ADAM18: variants seen among roughly 807,000 people sequenced by gnomAD.
The protein encoded by ADAM18 is ADAM metallopeptidase domain 18.
Under a neutral mutation model 94.4 loss-of-function variants are expected in ADAM18, and 117 were observed. The ratio of observed to expected loss-of-function variants is 1.24; its 90% CI spans 1.07 to 1.45. The LOEUF (loss-of-function observed/expected upper bound fraction) is 1.45. ADAM18 is among the 40% of genes most tolerant of loss of function. The pLI is 0.00. For synonymous variants in ADAM18, 327 were observed against 291.6 expected (o/e 1.12, Z -1.24); for missense variants, 936 against 880.0 (o/e 1.06, Z -0.81).
chr8:39,601,119 A>C (rs1291646928), intron 2 of ADAM18, among the ~76,000 whole-genome samples: 2 of 152,116 alleles, frequency 1.3e-5, no homozygotes, highest in African/African-American at 4.8e-5. Flanking sequence ...TAAACAACCA[A>C]ATCTCGCGAT....
intron 13 of ADAM18, among the ~76,000 whole-genome samples, chr8:39,664,810 T>TA (rs1820947842): frequency 6.6e-6 from 1 of 152,192 alleles, no homozygotes; most frequent in Non-Finnish European, 1.5e-5. Context: ...ATTAATGCAG[T>TA]AATATAGTAT....
In ADAM18 at chr8:39,667,985, C is replaced by A. The variant is rs1821037143; in HGVS notation, c.1327-13C>A. 2 of 1,609,620 alleles carry A rather than the reference C, an allele frequency of 1.2e-6. No homozygotes were observed. Among genetic ancestry groups the A allele is most frequent in the South Asian group, 1.1e-5 (1 of 90,312 alleles). On this transcript the variant is annotated splice_polypyrimidine_tract_variant and intron_variant, in intron 13 of 19. Coordinates refer to ENST00000265707, the MANE Select transcript of ADAM18 (RefSeq NM_014237.3). The stretch of plus-strand genomic sequence containing the variant: ...TTTACAGAACTTAATTTTATTTTTC[C>A]TTTTCCTCCCAGTTGTCAATAGCAG...
At chr8:39,723,563 GTAAA>G (rs1443818669) in intron 18 of ADAM18, among the ~76,000 whole-genome samples, 181 bp from the exon 19 acceptor site, 1 of 151,574 alleles carries the variant, frequency 6.6e-6, no homozygotes, top group Non-Finnish European at 1.5e-5. Flanking sequence ...ATAAATATGT[GTAAA>G]TAAACAGAAA....
At chr8:39,604,887 T>C (rs1044590630) in intron 2 of ADAM18, among the ~76,000 whole-genome samples, 2 of 152,242 alleles carry the variant, frequency 1.3e-5, no homozygotes, top group Non-Finnish European at 2.9e-5. Context: ...TTTGTTATTG[T>C]CCCTTCTTGG....
At chr8:39,683,313 G>A (rs1333930243) in intron 16 of ADAM18, among the ~76,000 whole-genome samples, 1 of 152,120 alleles carries the variant, frequency 6.6e-6, no homozygotes, top group East Asian at 1.9e-4. Context: ...AAATTGGCTG[G>A]CATTTTAATA....
At chr8:39,630,665 A>T (rs978308141) in intron 7 of ADAM18, among the ~76,000 whole-genome samples, 1 of 151,942 alleles carries the variant, frequency 6.6e-6, no homozygotes, top group East Asian at 1.9e-4. Flanking sequence ...GAATACCACA[A>T]TTTGGTGCTA....
intron 9 of ADAM18, 134 bp from the exon 10 acceptor site, chr8:39,638,331 G>T: frequency 2.0e-6 from 1 of 496,052 alleles, no homozygotes; most frequent in Non-Finnish European, 3.6e-6. Context: ...ATGTTTATTA[G>T]ATATTACCTA....
At chr8:39,718,514 A>G (rs1822642648) in intron 18 of ADAM18, among the ~76,000 whole-genome samples, 1 of 151,556 alleles carries the variant, frequency 6.6e-6, no homozygotes, top group African/African-American at 2.4e-5. Flanking sequence ...AGTCATATTC[A>G]TATAATTAAA....
chr8:39,644,997 CAT>C (rs1199775848), intron 10 of ADAM18, among the ~76,000 whole-genome samples: 1 of 152,104 alleles, frequency 6.6e-6, no homozygotes, highest in Non-Finnish European at 1.5e-5. Flanking sequence ...ATGCCTGACA[CAT>C]GAGTACACTG....
At chr8:39,589,229 A>G (rs1818498546) in intron 2 of ADAM18, among the ~76,000 whole-genome samples, 1 of 151,596 alleles carries the variant, frequency 6.6e-6, no homozygotes, top group South Asian at 2.1e-4. Flanking sequence ...TGCCAAGCCA[A>G]CTCCTTAATG....
intron 12 of ADAM18, among the ~76,000 whole-genome samples, chr8:39,660,642 GGA>G (rs1563295171): frequency 6.6e-6 from 1 of 152,074 alleles, no homozygotes; most frequent in African/African-American, 2.4e-5. Flanking sequence ...CAGTATAATA[GGA>G]GAGGATTTTA....
Position 39,648,441 on chromosome 8 carries a change from A to G in ADAM18, c.1144A>G (p.Asn382Asp). The change falls in exon 12 of 20, where the codon AAT (asparagine) becomes GAT (aspartate). Residue 382 changes from asparagine (N) to aspartate (D), a missense_variant. By Grantham distance (23) the Asn-to-Asp change is conservative. Transcript: ENST00000265707. The part of the protein sequence containing the change: ...FETKCLQKLS[N>D]LQPLHQNQPV... ...GACTAAATGCCTTCAGAAGCTTTCA[A>G]ATTTGCAACCATTACATCAAAATCA... 2 of 1,612,996 alleles carry G rather than the reference A, an allele frequency of 1.2e-6. No individual in the cohort carries two copies. The highest frequency in any genetic ancestry group is 1.7e-6 in the Non-Finnish European group (2 of 1,179,488).
At chr8:39,649,394 A>G (rs1820466369) in intron 12 of ADAM18, among the ~76,000 whole-genome samples, 1 of 152,012 alleles carries the variant, frequency 6.6e-6, no homozygotes, top group Admixed American at 6.6e-5. Context: ...ATATATATAT[A>G]TGTTTCCAAT....
Position 39,663,801 on chromosome 8 carries a change from C to A in ADAM18, c.1237C>A (p.Gln413Lys). The change falls in exon 13 of 20, where the codon CAA becomes AAA. Residue 413 changes from glutamine (Q) to lysine (K), a missense_variant. Physicochemically the swap from Gln to Lys is moderately conservative, Grantham distance 53. Transcript: ENST00000265707. The stretch of plus-strand genomic sequence containing the variant: ...TCTTCCTGTAAAATTTTAGGAATGT[C>A]AATTTAAGAAGTGCTGTGATTATAA... The part of the protein sequence containing the change: ...ECDCGNKNEC[Q>K]FKKCCDYNTC... 4 of 1,607,872 alleles carry A rather than the reference C, an allele frequency of 2.5e-6. No homozygotes were observed. The highest frequency in any genetic ancestry group is 3.4e-6 in the Non-Finnish European group (4 of 1,177,274).
chr8:39,723,724 A>C, intron 18 of ADAM18, 24 bp from the exon 19 acceptor site: 1 of 1,424,778 alleles, frequency 7.0e-7, no homozygotes, highest in South Asian at 1.7e-5. Context: ...GTCCCCACTA[A>C]TTTATCATAT....
intron 14 of ADAM18, among the ~76,000 whole-genome samples, chr8:39,670,950 A>G (rs1821137307): frequency 1.3e-5 from 2 of 152,246 alleles, no homozygotes; most frequent in Non-Finnish European, 2.9e-5. Flanking sequence ...ACACACTGGC[A>G]GGTTATTTAT....
intron 17 of ADAM18, among the ~76,000 whole-genome samples, chr8:39,694,143 A>G (rs543587568): frequency 1.3e-5 from 2 of 151,526 alleles, no homozygotes; most frequent in Admixed American, 6.6e-5. Flanking sequence ...GCATGATTCA[A>G]TATAAGTGGT....
chr8:39,677,374 A>T, intron 14 of ADAM18, 57 bp from the exon 15 acceptor site: 2 of 1,380,994 alleles, frequency 1.4e-6, no homozygotes, highest in Non-Finnish European at 2.0e-6. Context: ...TCTGTTACTG[A>T]CAAACATTTA....
At chr8:39,667,192 A>T (rs1283167358) in intron 13 of ADAM18, among the ~76,000 whole-genome samples, 1 of 152,110 alleles carries the variant, frequency 6.6e-6, no homozygotes, top group Non-Finnish European at 1.5e-5. Flanking sequence ...ACCTGAGGTC[A>T]GGAGTTTGAG....
Sources: allele counts gnomAD v4.1 joint callset (sites outside exome capture counted in the v4.1 genomes callset), GRCh38; gene constraint gnomAD v4.1.1; transcripts MANE v1.5; gene names NCBI Gene and HGNC (gene_info 2026-07-23, HGNC 2026-07-21).